Variants in RHPN2 observed in about 807,000 individuals in gnomAD.
RHPN2 encodes the protein rhophilin-2.
A neutral mutation model predicts 79.0 loss-of-function variants in RHPN2; 40 were observed. That is an observed-to-expected ratio of 0.51 (90% CI 0.39 to 0.66). The LOEUF (loss-of-function observed/expected upper bound fraction) is 0.66, where lower values mean the gene tolerates loss of function less well. Ranked by LOEUF, RHPN2 falls within the 30% of genes least tolerant of loss-of-function variation. The pLI is 0.00. For synonymous variants in RHPN2, 285 were observed against 363.5 expected (o/e 0.78, Z 2.46); for missense variants, 686 against 883.5 (o/e 0.78, Z 2.83).
intron 1 of RHPN2, among the ~76,000 whole-genome samples, chr19:33,059,401 C>T (rs1158454274): frequency 6.6e-6 from 1 of 151,536 alleles, no homozygotes; most frequent in African/African-American, 2.4e-5. Flanking sequence ...CAGGTTCAGG[C>T]AATTCTCCTG....
intron 4 of RHPN2, among the ~76,000 whole-genome samples, chr19:33,016,008 C>A (rs943053920): frequency 7.9e-5 from 12 of 152,028 alleles, no homozygotes; most frequent in Admixed American, 5.9e-4. Flanking sequence ...CAAGATTGTA[C>A]CACTGTACTC....
intron 1 of RHPN2, among the ~76,000 whole-genome samples, chr19:33,062,745 G>A (rs1972291140): frequency 6.7e-6 from 1 of 149,472 alleles, no homozygotes; most frequent in Non-Finnish European, 1.5e-5. Flanking sequence ...TCCAGCCTGA[G>A]CGACAGAGTG....
At chr19:33,005,457 A>G (rs1001542415) in intron 7 of RHPN2, among the ~76,000 whole-genome samples, 1 of 150,860 alleles carries the variant, frequency 6.6e-6, no homozygotes. Flanking sequence ...GTCTGCTCCA[A>G]TGGAAATTTT....
chr19:33,005,073 G>A (rs1270081043), intron 7 of RHPN2, among the ~76,000 whole-genome samples: 1 of 151,426 alleles, frequency 6.6e-6, no homozygotes, highest in African/African-American at 2.4e-5. Flanking sequence ...TCACACATAA[G>A]ATCTGAGTCA....
intron 14 of RHPN2, among the ~76,000 whole-genome samples, chr19:32,987,783 T>C (rs1290809398): frequency 6.6e-6 from 1 of 152,198 alleles, no homozygotes; most frequent in East Asian, 1.9e-4. Context: ...TTCGATCTCC[T>C]CCTTTATGCT....
chr19:32,990,246 G>C (rs1321899136), intron 14 of RHPN2, among the ~76,000 whole-genome samples: 1 of 152,032 alleles, frequency 6.6e-6, no homozygotes, highest in Non-Finnish European at 1.5e-5. Flanking sequence ...AAACCCAAGA[G>C]ATAGAGGCTG....
In RHPN2 at chr19:33,008,172, G is replaced by C; in HGVS notation, c.602C>G (p.Ser201Cys). 1 of 1,613,904 alleles carries C rather than the reference G, an allele frequency of 6.2e-7. No individual in the cohort carries two copies. The highest frequency in any genetic ancestry group is 8.5e-7 in the Non-Finnish European group (1 of 1,179,916). ...QMGLLFTWYD[S>C]LTGVPVSQQN... ...CTGGCTGACCGGAACCCCGGTGAGA[G>C]AGTCATACCTATGTGAAAGAAATGC... Residue 201 changes from serine to cysteine, a missense_variant, in exon 7 of 15, where the codon TCT becomes TGT. Physicochemically the swap from Ser to Cys is moderately radical, Grantham distance 112 (BLOSUM62 -1). Coordinates refer to ENST00000254260, the MANE Select transcript of RHPN2 (RefSeq NM_033103.5).
Position 32,999,695 on chromosome 19 carries a change from G to C in RHPN2, c.1116C>G (p.Gly372=). 1 of 1,612,438 alleles carries C rather than the reference G, an allele frequency of 6.2e-7. No individual in the cohort carries two copies. Among genetic ancestry groups the C allele is most frequent in the Non-Finnish European group, 8.5e-7 (1 of 1,178,998 alleles). The stretch of plus-strand genomic sequence containing the variant: ...ACTTCTCCTGGTGGTCCAGATCCGT[G>C]CCTGGCTTCACTGCAAAGAGAACCA... ...ILLIDHQVKP[G]TDLDHQEKCL... is the part of the protein sequence containing the mutation. The change falls in exon 10 of 15, where the codon GGC becomes GGG. Residue 372 remains glycine, a synonymous_variant. Transcript: ENST00000254260.
intron 2 of RHPN2, chr19:33,026,892 T>C (rs184030758): frequency 2.4e-6 from 1 of 415,696 alleles, no homozygotes; most frequent in East Asian, 5.3e-5. Flanking sequence ...AAACACTCAG[T>C]CTTGAGAAGA....
At chr19:33,014,660 C>T (rs1971863581) in intron 4 of RHPN2, among the ~76,000 whole-genome samples, 1 of 152,146 alleles carries the variant, frequency 6.6e-6, no homozygotes, top group Admixed American at 6.6e-5. Context: ...TGGCTCACAC[C>T]TGTAATCCCA....
At chr19:32,999,740 T>C (rs1019526712) in intron 9 of RHPN2, 35 bp from the exon 10 acceptor site, 25 of 1,604,332 alleles carry the variant, frequency 1.6e-5, no homozygotes, top group Non-Finnish European at 2.0e-5. Context: ...TCCCCTCTCA[T>C]GGACCTGGCC....
At chr19:33,011,053 C>A (rs10420808) in intron 6 of RHPN2, among the ~76,000 whole-genome samples, 16,720 of 152,114 alleles carry the variant, frequency 0.11, 1,511 homozygotes, top group African/African-American at 0.26. Flanking sequence ...CCCTGACGTG[C>A]CTGATCTTGT....
intron 4 of RHPN2, among the ~76,000 whole-genome samples, chr19:33,017,335 T>C (rs371264792): frequency 6.6e-6 from 1 of 151,760 alleles, no homozygotes; most frequent in Admixed American, 6.6e-5. Context: ...GATCGTGCCA[T>C]TGGACTCCAG....
chr19:32,979,917 T>A lies in RHPN2; in HGVS notation c.*79A>T, dbSNP rs1324684919. 2.6e-6 allele frequency: 4 copies of A among 1,512,644 alleles called. No homozygotes were observed. In the South Asian group the frequency reaches 4.5e-5, roughly 17 times the overall value. The allele number at this position is 1,512,644 out of a possible 1,614,324, so 93.7% of individuals were successfully genotyped here. On this transcript the variant is annotated 3_prime_UTR_variant, in exon 15 of 15. Coordinates refer to ENST00000254260, the MANE Select transcript of RHPN2 (RefSeq NM_033103.5). Reference sequence around the variant, plus strand: ...GGATTTGAGAACAGATAGATAGATATTTTCCATTATGGCACAAACGTTTAA... The same window carrying A: ...GGATTTGAGAACAGATAGATAGATAATTTCCATTATGGCACAAACGTTTAA...
intron 3 of RHPN2, among the ~76,000 whole-genome samples, chr19:33,025,818 G>C (rs1223795585): frequency 1.3e-5 from 2 of 152,180 alleles, no homozygotes. Context: ...CTTAATGTCT[G>C]TTCAGTTGAA....
chr19:32,983,553 C>T (rs1319875925), intron 14 of RHPN2, among the ~76,000 whole-genome samples: 1 of 151,618 alleles, frequency 6.6e-6, no homozygotes, highest in Non-Finnish European at 1.5e-5. Context: ...CTGTTCCCCT[C>T]CAGGTCCACC....
chr19:33,055,311 A>G (rs1457714647), intron 1 of RHPN2, among the ~76,000 whole-genome samples: 1 of 151,964 alleles, frequency 6.6e-6, no homozygotes, highest in Non-Finnish European at 1.5e-5. Flanking sequence ...AGTGAGCTAC[A>G]ACGGTGCCAC....
intron 1 of RHPN2, among the ~76,000 whole-genome samples, chr19:33,049,496 C>G (rs1471944299): frequency 6.6e-6 from 1 of 152,210 alleles, no homozygotes. Context: ...GGCTAAACCT[C>G]TCACACCTGT....
chr19:33,036,876 C>A (rs1410178433), intron 2 of RHPN2, among the ~76,000 whole-genome samples: 11 of 144,820 alleles, frequency 7.6e-5, no homozygotes, highest in Non-Finnish European at 3.0e-5. Context: ...CTGAGCCCCC[C>A]CGCCACCCTC....
Sources: gnomAD v4.1 joint callset for allele counts (sites outside exome capture counted in the v4.1 genomes callset) on GRCh38, gnomAD v4.1.1 for gene constraint, MANE v1.5 for transcripts, NCBI Gene and HGNC (gene_info 2026-07-23, HGNC 2026-07-21) for gene names.